Variants in FAM117B observed in about 807,000 individuals in gnomAD.
The protein encoded by FAM117B is family with sequence similarity 117 member B.
A neutral mutation model predicts 52.8 loss-of-function variants in FAM117B; 22 were observed. That is an observed-to-expected ratio of 0.42 (90% CI 0.30 to 0.59). FAM117B has a LOEUF of 0.59. Among genes scored for constraint, FAM117B ranks in the 20% least tolerant of loss-of-function variants. FAM117B has a pLI of 0.22. For missense variants in FAM117B, 678 were observed against 802.6 expected (o/e 0.84, Z 1.88); for synonymous variants, 309 against 324.1 (o/e 0.95, Z 0.50).
At chr2:202,749,454 A>C (rs191725625) in intron 4 of FAM117B, among the ~76,000 whole-genome samples, 5 of 148,158 alleles carry the variant, frequency 3.4e-5, no homozygotes, top group Admixed American at 1.3e-4. Context: ...AAAAAAAAAA[A>C]CCACTGGGTT....
intron 1 of FAM117B, among the ~76,000 whole-genome samples, chr2:202,667,444 GTA>G (rs1245614537): frequency 6.8e-4 from 104 of 151,970 alleles, no homozygotes; most frequent in African/African-American, 2.3e-3. Context: ...AAAGCTTTGT[GTA>G]TGTGTGTCTG....
chr2:202,707,573 C>T (rs1433941987), intron 2 of FAM117B, among the ~76,000 whole-genome samples: 3 of 151,632 alleles, frequency 2.0e-5, no homozygotes, highest in African/African-American at 4.8e-5. Flanking sequence ...GGTGTGGTGG[C>T]GTGTGCACTT....
chr2:202,689,081 T>A (rs1690584456), intron 1 of FAM117B, among the ~76,000 whole-genome samples: 1 of 152,236 alleles, frequency 6.6e-6, no homozygotes, highest in Non-Finnish European at 1.5e-5. Context: ...TAATGGGACC[T>A]CATTTATATA....
At chr2:202,644,724 G>C (rs983570658) in intron 1 of FAM117B, among the ~76,000 whole-genome samples, 18 of 152,180 alleles carry the variant, frequency 1.2e-4, no homozygotes, top group African/African-American at 4.3e-4. Flanking sequence ...ATTGTAGGTT[G>C]GAAATAATTT....
At chr2:202,764,648 C>T (rs898745432) in intron 7 of FAM117B, among the ~76,000 whole-genome samples, 1 of 152,112 alleles carries the variant, frequency 6.6e-6, no homozygotes, top group African/African-American at 2.4e-5. Context: ...CACCTTAGTT[C>T]TGTGGCATTT....
rs140222767 is a variant in FAM117B, at chr2:202,757,251, C to A, written c.1143C>A (p.Pro381=). 1.2e-6 allele frequency: 2 copies of A among 1,614,034 alleles called. No homozygotes were observed. The highest frequency in any genetic ancestry group is 1.3e-5 in the African/African-American group (1 of 74,906). Residue 381 remains proline, a synonymous_variant, in exon 6 of 8, where the codon CCC becomes CCA. Transcript: ENST00000392238. ...CAGATGGCCATCGTGCTCCACCCCC[C>A]CTTGTACAGAGAAGTAGCAGCACGC... ...DIPDGHRAPP[P]LVQRSSSTRS...
At chr2:202,746,421 A>C (rs536561538) in intron 4 of FAM117B, among the ~76,000 whole-genome samples, 69 of 152,136 alleles carry the variant, frequency 4.5e-4, no homozygotes, top group Non-Finnish European at 9.1e-4. Flanking sequence ...TGAAAATGCA[A>C]GTACAACATA....
intron 4 of FAM117B, among the ~76,000 whole-genome samples, chr2:202,739,965 A>G (rs554909492): frequency 1.8e-4 from 28 of 151,874 alleles, no homozygotes; most frequent in African/African-American, 6.8e-4. Flanking sequence ...TGAGGTCAGG[A>G]GTTTGAGACC....
At chr2:202,670,784 A>G (rs897728604) in intron 1 of FAM117B, among the ~76,000 whole-genome samples, 83 of 152,176 alleles carry the variant, frequency 5.5e-4, no homozygotes, top group African/African-American at 1.9e-3. Flanking sequence ...AGAAGAATGA[A>G]TTATTGTTAT....
intron 4 of FAM117B, among the ~76,000 whole-genome samples, chr2:202,745,779 A>G (rs1236001820): frequency 6.6e-6 from 1 of 151,614 alleles, no homozygotes; most frequent in Non-Finnish European, 1.5e-5. Context: ...AATGGAAACC[A>G]AAAGTATGCA....
chr2:202,680,913 G>A (rs1327452305), intron 1 of FAM117B, among the ~76,000 whole-genome samples: 1 of 152,120 alleles, frequency 6.6e-6, no homozygotes, highest in Non-Finnish European at 1.5e-5. Flanking sequence ...GTCAATTAAT[G>A]GTAAGATAAA....
intron 1 of FAM117B, among the ~76,000 whole-genome samples, chr2:202,646,434 T>G (rs1689865067): frequency 6.6e-6 from 1 of 152,112 alleles, no homozygotes; most frequent in South Asian, 2.1e-4. Flanking sequence ...CAAAAGTAGG[T>G]TTTTTTTCTT....
intron 4 of FAM117B, among the ~76,000 whole-genome samples, chr2:202,741,560 G>A (rs981231968): frequency 3.5e-5 from 5 of 144,796 alleles, no homozygotes; most frequent in African/African-American, 1.1e-4. Context: ...TTTTTGAGAC[G>A]GAGTCTTGCT....
At chr2:202,744,976 CAAAAAAAAAAAAA>C (rs58898446) in intron 4 of FAM117B, among the ~76,000 whole-genome samples, 1 of 59,298 alleles carries the variant, frequency 1.7e-5, no homozygotes, top group Non-Finnish European at 2.9e-5. Flanking sequence ...GACTCTGTCT[CAAAAAAAAAAAAA>C]AAAAAAAAAA....
intron 4 of FAM117B, among the ~76,000 whole-genome samples, chr2:202,731,332 A>AATATATATAT (rs35255766): frequency 0.053 from 1,635 of 30,564 alleles, 142 homozygotes; most frequent in Non-Finnish European, 0.09. Flanking sequence ...GAGAAATTGG[A>AATATATATAT]ATATATATAT....
intron 1 of FAM117B, among the ~76,000 whole-genome samples, chr2:202,665,714 C>T (rs979468061): frequency 1.3e-5 from 2 of 152,192 alleles, no homozygotes; most frequent in African/African-American, 4.8e-5. Flanking sequence ...AATTCTCCTG[C>T]CTCAGCCTCC....
chr2:202,703,679 T>C (rs1690829381), intron 2 of FAM117B, among the ~76,000 whole-genome samples: 1 of 152,204 alleles, frequency 6.6e-6, no homozygotes, highest in Non-Finnish European at 1.5e-5. Context: ...GGGTGAATAA[T>C]ATTCCATTTA....
chr2:202,744,135 T>C (rs962161401), intron 4 of FAM117B, among the ~76,000 whole-genome samples: 1 of 151,310 alleles, frequency 6.6e-6, no homozygotes, highest in Non-Finnish European at 1.5e-5. Flanking sequence ...TCAAGTCACA[T>C]GTAAGAGAAT....
intron 4 of FAM117B, among the ~76,000 whole-genome samples, chr2:202,751,386 T>G (rs1349508581): frequency 6.6e-6 from 1 of 152,180 alleles, no homozygotes; most frequent in African/African-American, 2.4e-5. Flanking sequence ...TTATGAAAGC[T>G]GAAAGGGTCT....
Sources: gnomAD v4.1 joint callset for allele counts (sites outside exome capture counted in the v4.1 genomes callset) on GRCh38, gnomAD v4.1.1 for gene constraint, MANE v1.5 for transcripts, NCBI Gene and HGNC (gene_info 2026-07-23, HGNC 2026-07-21) for gene names.